Variants in NCAPD2 observed in about 807,000 individuals in gnomAD.
NCAPD2 encodes non-SMC condensin I complex subunit D2.
In NCAPD2, 100 loss-of-function variants were observed where a neutral mutation model predicts 164.5. The ratio of observed to expected loss-of-function variants is 0.61; its 90% CI spans 0.52 to 0.72. The LOEUF (loss-of-function observed/expected upper bound fraction) is 0.72, where lower values mean the gene tolerates loss of function less well. Ranked by LOEUF, NCAPD2 falls within the 30% of genes least tolerant of loss-of-function variation. The pLI is 0.00. For synonymous variants in NCAPD2, 585 were observed against 642.6 expected (o/e 0.91, Z 1.36); for missense variants, 1,560 against 1,749.2 (o/e 0.89, Z 1.93).
rs1425079461 is a variant in NCAPD2, at chr12:6,527,072, A to C, written c.2907+9A>C. The C allele has an allele frequency of 6.2e-7, 1 of 1,604,960 alleles. No homozygotes were observed. The highest frequency in any genetic ancestry group is 2.2e-5 in the East Asian group (1 of 44,724). On this transcript the variant is annotated intron_variant, in intron 22 of 31. Coordinates refer to ENST00000315579, the MANE Select transcript of NCAPD2 (RefSeq NM_014865.4). ...AAGATCCCAAGGAGAAGGTGTGTGA[A>C]TGTCCTCAGCACTTCCCAGATTTAT...
Position 6,529,013 on chromosome 12 carries a change from G to A in NCAPD2, c.3546G>A (p.Glu1182=), listed in dbSNP as rs916322637. The change falls in exon 27 of 32, where the codon GAG becomes GAA. Residue 1182 remains glutamate (E), a synonymous_variant. Transcript: ENST00000315579. ...SRLSDPELGV[E]EEPFHTIMKQ... is the part of the protein sequence containing the mutation. ...TGTCAGACCCCGAGCTGGGGGTGGAGGAAGAGCCTTTCCACACCATCATGA... is the reference window on the plus strand; with the variant it reads ...TGTCAGACCCCGAGCTGGGGGTGGAAGAAGAGCCTTTCCACACCATCATGA... 3.7e-6 allele frequency: 6 copies of A among 1,612,874 alleles called. No homozygotes were observed. Among genetic ancestry groups the A allele is most frequent in the Non-Finnish European group, 4.2e-6 (5 of 1,179,992 alleles).
At chr12:6,519,962 C>T (rs918201077) in intron 13 of NCAPD2, among the ~76,000 whole-genome samples, 26 of 151,666 alleles carry the variant, frequency 1.7e-4, no homozygotes, top group Non-Finnish European at 2.9e-4. Context: ...TCTCTTGAGG[C>T]CAGGAGTTTG....
chr12:6,511,979 C>T (rs765472239), intron 6 of NCAPD2, among the ~76,000 whole-genome samples: 6 of 137,664 alleles, frequency 4.4e-5, no homozygotes, highest in African/African-American at 8.2e-5. Flanking sequence ...AGCAAAATCC[C>T]GTCTCAAAAA....
At chr12:6,520,888 C>T in intron 13 of NCAPD2, 98 bp from the exon 14 acceptor site, 1 of 1,519,180 alleles carries the variant, frequency 6.6e-7, no homozygotes. Flanking sequence ...TTTCTCTGGG[C>T]AGTAGGTCCA....
intron 13 of NCAPD2, among the ~76,000 whole-genome samples, chr12:6,520,656 C>CA (rs1946255667): frequency 6.6e-6 from 1 of 152,094 alleles, no homozygotes; most frequent in Admixed American, 6.6e-5. Flanking sequence ...TGTTTCTAAA[C>CA]TTAGGAAAGT....
chr12:6,525,951 T>C (rs1946313167), intron 18 of NCAPD2, 117 bp from the exon 19 acceptor site: 1 of 1,392,024 alleles, frequency 7.2e-7, no homozygotes, highest in African/African-American at 1.4e-5. Flanking sequence ...AGCCACGCTA[T>C]AGTGCTCCAC....
intron 17 of NCAPD2, among the ~76,000 whole-genome samples, chr12:6,525,100 A>T (rs1946304209): frequency 6.6e-6 from 1 of 152,224 alleles, no homozygotes; most frequent in Non-Finnish European, 1.5e-5. Flanking sequence ...AGGATTGGAG[A>T]AATCACTGCA....
Position 6,528,386 on chromosome 12 carries a change from G to A in NCAPD2, c.3299+58G>A. 1 of 1,601,178 alleles carries A rather than the reference G, an allele frequency of 6.2e-7. No homozygotes were observed. The highest frequency in any genetic ancestry group is 2.2e-5 in the East Asian group (1 of 44,808). On this transcript the variant is annotated intron_variant, in intron 25 of 31. Coordinates refer to ENST00000315579, the MANE Select transcript of NCAPD2 (RefSeq NM_014865.4). The surrounding 1 kb of genome is among the most constrained non-coding windows in gnomAD (Gnocchi z 5.1). ...CCAGGAGCCCCGGAGTCTGTTGAGA[G>A]TCAGTGTGAGAATCACCAGGGCTCT...
rs1454247720 is a variant in NCAPD2 at position 6,514,392 on chromosome 12, A to G, written c.715A>G (p.Ser239Gly). ...CTTGACCCGTTATAACCATATGCTC[A>G]GTAAGTTACCAGTCGCTTTGCCCCG... The part of the protein sequence containing the change: ...VALTRYNHML[S>G]ATVKIIQMLQ... The change falls in exon 7 of 32, where the codon AGT becomes GGT. Residue 239 changes from serine (S) to glycine (G), a missense_variant and splice_region_variant. Ser to Gly is a moderately conservative substitution (Grantham distance 56). Coordinates refer to ENST00000315579, the MANE Select transcript of NCAPD2 (RefSeq NM_014865.4). 4 of 1,614,216 alleles carry G rather than the reference A, an allele frequency of 2.5e-6. No individual in the cohort carries two copies. Among genetic ancestry groups the G allele is most frequent in the South Asian group, 1.1e-5 (1 of 91,092 alleles).
chr12:6,529,372 C>T (rs1946349608), intron 27 of NCAPD2, 141 bp from the exon 28 acceptor site: 2 of 769,974 alleles, frequency 2.6e-6, no homozygotes, highest in African/African-American at 1.7e-5. Flanking sequence ...TGGGACAGGG[C>T]AAGGGGAGTG....
At chr12:6,504,182 C>CATATATATATATATATATAT (rs1176237960) in intron 2 of NCAPD2, among the ~76,000 whole-genome samples, 1 of 57,756 alleles carries the variant, frequency 1.7e-5, no homozygotes, top group Non-Finnish European at 3.1e-5. Flanking sequence ...TATATATATA[C>CATATATATATATATATATAT]ATATATATAT....
At chr12:6,505,747 C>T (rs1355197515) in intron 2 of NCAPD2, among the ~76,000 whole-genome samples, 1 of 152,038 alleles carries the variant, frequency 6.6e-6, no homozygotes, top group Non-Finnish European at 1.5e-5. Flanking sequence ...CATCTGTAGT[C>T]CCAGCTCCCA....
In NCAPD2 at chr12:6,528,711, C is replaced by G; in HGVS notation, c.3332C>G (p.Thr1111Arg). 4 of 1,613,866 alleles carry G rather than the reference C, an allele frequency of 2.5e-6. No individual in the cohort carries two copies. Among genetic ancestry groups the G allele is most frequent in the East Asian group, 2.2e-5 (1 of 44,876 alleles). The change falls in exon 26 of 32, where the codon ACA (threonine) becomes AGA (arginine). Residue 1111 changes from threonine to arginine, a missense_variant. Thr to Arg is a moderately conservative substitution (Grantham distance 71). Coordinates refer to ENST00000315579, the MANE Select transcript of NCAPD2 (RefSeq NM_014865.4). The surrounding 1 kb of genome is among the most constrained non-coding windows in gnomAD (Gnocchi z 5.1). ...LRDPAQQVRK[T>R]AGLVMTHLIL... Reference sequence around the variant, plus strand: ...GACCCTGCTCAGCAAGTGCGGAAAACAGCGGGGCTGGTGATGACCCACCTG... The same window carrying G: ...GACCCTGCTCAGCAAGTGCGGAAAAGAGCGGGGCTGGTGATGACCCACCTG...
rs201733141 is a variant in NCAPD2 at position 6,514,287 on chromosome 12, C to T, written c.610C>T (p.Arg204Cys). 364 of 1,614,152 alleles carry T rather than the reference C, an allele frequency of 2.3e-4. No individual in the cohort carries two copies. In the South Asian group the frequency reaches 3.3e-3, roughly 15 times the overall value. Residue 204 changes from arginine to cysteine, a missense_variant, in exon 7 of 32, where the codon CGC becomes TGC. By Grantham distance (180) the Arg-to-Cys change is radical. Transcript: ENST00000315579. ...CAGTTTGGTTACTGGCTGTTGCTAC[C>T]GCCTTCTGGAGAATCCCACCATTAA... ...FVSLVTGCCY[R>C]LLENPTINHQ...
rs1191016636 is a variant in NCAPD2, at chr12:6,495,084, G to A, written c.-15G>A. The A allele has an allele frequency of 1.9e-6, 3 of 1,614,010 alleles. No individual in the cohort carries two copies. The highest frequency in any genetic ancestry group is 8.5e-7 in the Non-Finnish European group (1 of 1,179,936). On this transcript the variant is annotated 5_prime_UTR_variant, in exon 2 of 32. Transcript: ENST00000315579. ...CACTGTTTGGTTTCTAGCCCTGTGA[G>A]CCTGTAGGAGTAGAATGGCTCCCCA...
At chr12:6,505,073 T>G (rs1946086558) in intron 2 of NCAPD2, among the ~76,000 whole-genome samples, 1 of 152,102 alleles carries the variant, frequency 6.6e-6, no homozygotes, top group Non-Finnish European at 1.5e-5. Context: ...CCATATGCAA[T>G]TTTTGTTTTG....
Position 6,517,589 on chromosome 12 carries a change from C to T in NCAPD2, c.1321-7C>T. On this transcript the variant is annotated splice_polypyrimidine_tract_variant and splice_region_variant and intron_variant, in intron 11 of 31. Transcript: ENST00000315579. ...TTACTGACCCTGCTATTCATTTTAC[C>T]TGATAGCTTAGTGATGCTGACCTTG... 6.2e-7 allele frequency: 1 copy of T among 1,614,196 alleles called. No individual in the cohort carries two copies. The highest frequency in any genetic ancestry group is 8.5e-7 in the Non-Finnish European group (1 of 1,180,026).
At chr12:6,520,620 G>A (rs986259065) in intron 13 of NCAPD2, among the ~76,000 whole-genome samples, 1 of 152,178 alleles carries the variant, frequency 6.6e-6, no homozygotes, top group Non-Finnish European at 1.5e-5. Flanking sequence ...GGATGTGCCT[G>A]AATTAACTAA....
chr12:6,498,198 T>G (rs7300092), intron 2 of NCAPD2, among the ~76,000 whole-genome samples: 1 of 152,040 alleles, frequency 6.6e-6, no homozygotes, highest in Admixed American at 6.6e-5. Context: ...TGTGAGCCAC[T>G]GCACCCAGCC....
Sources: gnomAD v4.1 joint callset for allele counts (sites outside exome capture counted in the v4.1 genomes callset) on GRCh38, gnomAD v4.1.1 for gene constraint, Gnocchi (gnomAD v3.1) non-coding constraint, MANE v1.5 for transcripts, NCBI Gene and HGNC (gene_info 2026-07-23, HGNC 2026-07-21) for gene names.